The following LRRC7 variants were observed in gnomAD, a reference collection of about 807,000 sequenced individuals.
LRRC7 encodes leucine-rich repeat-containing protein 7.
In LRRC7, 23 loss-of-function variants were observed where a neutral mutation model predicts 175.7. That is an observed-to-expected ratio of 0.13 (90% CI 0.09 to 0.19). The LOEUF (loss-of-function observed/expected upper bound fraction) is 0.19. LRRC7 is among the 10% of genes least tolerant of loss of function. The probability of loss-of-function intolerance (pLI) is 1.00; values close to 1 mark genes in which losing one functional copy is unlikely to be tolerated. For missense variants in LRRC7, 1,354 were observed against 1,904.7 expected, an observed-to-expected ratio of 0.71 and a Z score of 5.38; for synonymous variants, 685 against 680.9, an observed-to-expected ratio of 1.01 and a Z score of -0.09.
chr1:69,722,498 G>A (rs10465856), intron 2 of LRRC7, among the ~76,000 whole-genome samples: 65,946 of 151,664 alleles, frequency 0.43, 14,580 homozygotes, highest in Admixed American at 0.5. Context: ...ATTTTTGCCA[G>A]TATCCATAAT....
chr1:70,062,895 T>C (rs1020629451), intron 23 of LRRC7, among the ~76,000 whole-genome samples: 17 of 150,950 alleles, frequency 1.1e-4, no homozygotes, highest in African/African-American at 4.1e-4. Context: ...GGATAGGAGG[T>C]TGTGAAAATG....
chr1:69,960,556 T>G (rs1255395146), intron 8 of LRRC7, among the ~76,000 whole-genome samples: 1 of 152,206 alleles, frequency 6.6e-6, no homozygotes, highest in East Asian at 1.9e-4. Context: ...TCTAGTTCTT[T>G]TAGTTCTGAT....
At chr1:69,728,153 G>T (rs1024576344) in intron 2 of LRRC7, among the ~76,000 whole-genome samples, 2 of 152,002 alleles carry the variant, frequency 1.3e-5, no homozygotes, top group Admixed American at 1.3e-4. Context: ...TAATATTTAA[G>T]ATGTATTAGT....
At chr1:69,924,506 T>G (rs897574452) in intron 7 of LRRC7, among the ~76,000 whole-genome samples, 24 of 152,120 alleles carry the variant, frequency 1.6e-4, no homozygotes, top group East Asian at 9.6e-4. Context: ...CCTTGAAGAG[T>G]TCCTTCACGT....
chr1:69,645,181 T>G (rs1027537884), intron 1 of LRRC7, among the ~76,000 whole-genome samples: 6 of 152,010 alleles, frequency 3.9e-5, no homozygotes, highest in Non-Finnish European at 8.8e-5. Flanking sequence ...TATTCACAGA[T>G]GACATAATTA....
chr1:69,762,138 T>C (rs1456753967), intron 3 of LRRC7, among the ~76,000 whole-genome samples: 1 of 152,058 alleles, frequency 6.6e-6, no homozygotes, highest in Admixed American at 6.6e-5. Context: ...ATCCTGTATT[T>C]TTATTTGCTA....
chr1:69,860,909 C>A (rs1684290935), intron 7 of LRRC7, among the ~76,000 whole-genome samples: 2 of 151,906 alleles, frequency 1.3e-5, no homozygotes, highest in Admixed American at 6.6e-5. Context: ...AACCAACTTT[C>A]CTTAGAATTC....
intron 8 of LRRC7, among the ~76,000 whole-genome samples, chr1:69,956,247 C>A (rs892757442): frequency 6.6e-6 from 1 of 151,810 alleles, no homozygotes; most frequent in Non-Finnish European, 1.5e-5. Context: ...GTATTTAACT[C>A]TGGATATATA....
At chr1:69,772,241 G>C (rs1672325934) in intron 3 of LRRC7, among the ~76,000 whole-genome samples, 1 of 152,144 alleles carries the variant, frequency 6.6e-6, no homozygotes, top group Admixed American at 6.6e-5. Flanking sequence ...TTTGTGTTGA[G>C]TTCTGAATGA....
chr1:69,756,618 AG>A (rs1245430177), intron 2 of LRRC7, among the ~76,000 whole-genome samples: 5 of 151,924 alleles, frequency 3.3e-5, no homozygotes, highest in Non-Finnish European at 7.4e-5. Context: ...TTATTTATAA[AG>A]AAAAGGTATT....
intron 2 of LRRC7, among the ~76,000 whole-genome samples, chr1:69,692,073 C>A (rs1661960392): frequency 6.6e-6 from 1 of 152,054 alleles, no homozygotes; most frequent in African/African-American, 2.4e-5. Context: ...TCATAATATA[C>A]TCTAGAAATG....
At position 70,023,330 on chromosome 1, in the gene LRRC7, G is replaced by T. The variant is rs373563844; in HGVS notation, c.1750G>T (p.Val584Phe). 1.7e-5 allele frequency: 28 copies of T among 1,611,756 alleles called. No homozygotes were observed. The highest frequency in any genetic ancestry group is 2.4e-5 in the Non-Finnish European group (28 of 1,178,636). Residue 584 changes from valine to phenylalanine, a missense_variant, in exon 17 of 27, where the codon GTT (valine) becomes TTT (phenylalanine). Val to Phe is a conservative substitution (Grantham distance 50, BLOSUM62 -1). Coordinates refer to ENST00000651989, the MANE Select transcript of LRRC7 (RefSeq NM_001370785.2). Reference protein sequence around the residue: ...QERSMCTPLPVAAQSTTLPSL... With the variant: ...QERSMCTPLPFAAQSTTLPSL... ...AAGGAGCATGTGTACTCCATTGCCA[G>T]TTGCAGCACAATCCACCACTCTTCC...
intron 26 of LRRC7, among the ~76,000 whole-genome samples, chr1:70,112,932 C>T (rs190579839): frequency 1.3e-5 from 2 of 152,142 alleles, no homozygotes; most frequent in Non-Finnish European, 2.9e-5. Flanking sequence ...AGACCCCAGA[C>T]TCGTGTGTTA....
intron 7 of LRRC7, chr1:69,875,154 T>A (rs533831153): frequency 6.6e-6 from 1 of 152,198 alleles, no homozygotes; most frequent in East Asian, 1.9e-4. Context: ...AAACATTCTA[T>A]GTGAAAGTAG....
chr1:69,671,486 T>G (rs890806981), intron 1 of LRRC7, among the ~76,000 whole-genome samples: 1 of 152,106 alleles, frequency 6.6e-6, no homozygotes, highest in Non-Finnish European at 1.5e-5. Context: ...GGCAGACACA[T>G]TCCCTTAGCC....
intron 2 of LRRC7, among the ~76,000 whole-genome samples, chr1:69,729,263 A>G (rs1420676922): frequency 6.6e-6 from 1 of 152,126 alleles, no homozygotes; most frequent in Non-Finnish European, 1.5e-5. Context: ...CTCACAATTC[A>G]AAACACAATC....
chr1:69,703,991 A>G (rs2100706651), intron 2 of LRRC7, among the ~76,000 whole-genome samples: 1 of 152,108 alleles, frequency 6.6e-6, no homozygotes, highest in East Asian at 1.9e-4. Flanking sequence ...AACAGATTAA[A>G]TACCTTTAAG....
At chr1:70,062,239 T>G (rs1396538661) in intron 23 of LRRC7, among the ~76,000 whole-genome samples, 1 of 152,154 alleles carries the variant, frequency 6.6e-6, no homozygotes, top group Non-Finnish European at 1.5e-5. Context: ...GTTATTGCTC[T>G]GGAACAGAAT....
At chr1:69,913,604 C>T (rs1485076010) in intron 7 of LRRC7, among the ~76,000 whole-genome samples, 5 of 151,964 alleles carry the variant, frequency 3.3e-5, no homozygotes, top group African/African-American at 4.8e-5. Context: ...CTCCACCTCC[C>T]GGGTTCAAGC....
Sources: allele counts gnomAD v4.1 joint callset (sites outside exome capture counted in the v4.1 genomes callset), GRCh38; gene constraint gnomAD v4.1.1; transcripts MANE v1.5; gene names NCBI Gene and HGNC (gene_info 2026-07-23, HGNC 2026-07-21).